Variants in HTR1F observed in about 807,000 individuals in gnomAD.
HTR1F encodes the protein 5-hydroxytryptamine (serotonin) receptor 1F, G protein-coupled.
HTR1F carries 17 observed loss-of-function variants against 24.0 expected under a neutral mutation model. The observed-to-expected ratio is 0.71, with a 90% confidence interval of 0.48 to 1.06. HTR1F has a LOEUF of 1.06. HTR1F is among the 50% of genes least tolerant of loss of function. The pLI is 0.00. For missense variants in HTR1F, 391 were observed against 427.8 expected, an observed-to-expected ratio of 0.91 and a Z score of 0.76; for synonymous variants, 186 against 156.8, an observed-to-expected ratio of 1.19 and a Z score of -1.39.
Position 87,843,939 on chromosome 3 carries a change from T to C in HTR1F, c.-43+21815T>C, listed in dbSNP as rs547985331. On this transcript the variant is annotated intron_variant, in intron 2 of 2. Transcript: ENST00000319595. ...ATCCAGTCTATCATTGTTGGACATT[T>C]GGGTTGGTTCCAAGTCTTTGCTATT... Among the ~76,000 whole-genome samples, 17 of 151,712 alleles carry C rather than the reference T, an allele frequency of 1.1e-4. No homozygotes were observed. The East Asian group carries it at 2.9e-3, about 26-fold the overall frequency.
At chr3:87,817,319 G>A (rs1704267103) in intron 1 of HTR1F, among the ~76,000 whole-genome samples, 1 of 152,098 alleles carries the variant, frequency 6.6e-6, no homozygotes, top group African/African-American at 2.4e-5. Flanking sequence ...ATTCTTGAAA[G>A]ATGATAAGTA....
chr3:87,983,210 C>A (rs1212409258), intron 2 of HTR1F, among the ~76,000 whole-genome samples: 1 of 152,028 alleles, frequency 6.6e-6, no homozygotes, highest in Non-Finnish European at 1.5e-5. Context: ...GTTAAGTGTA[C>A]AAATCTGAGA....
intron 2 of HTR1F, among the ~76,000 whole-genome samples, chr3:87,905,975 G>A (rs2107337437): frequency 6.6e-6 from 1 of 152,154 alleles, no homozygotes; most frequent in East Asian, 1.9e-4. Context: ...GGGGACTTTA[G>A]GATGGCTGGC....
At chr3:87,794,088 T>C (rs1244968109) in intron 1 of HTR1F, among the ~76,000 whole-genome samples, 1 of 152,194 alleles carries the variant, frequency 6.6e-6, no homozygotes, top group Non-Finnish European at 1.5e-5. Context: ...AACAGTCTAA[T>C]GATGCTTAAG....
At chr3:87,946,199 G>C (rs939316791) in intron 2 of HTR1F, among the ~76,000 whole-genome samples, 1 of 152,168 alleles carries the variant, frequency 6.6e-6, no homozygotes, top group Non-Finnish European at 1.5e-5. Context: ...ACACCCTGCC[G>C]GATCCAGAGG....
chr3:87,993,771 C>T lies in HTR1F; in HGVS notation c.*1921C>T, dbSNP rs563040482. On this transcript the variant is annotated 3_prime_UTR_variant, in exon 3 of 3. Transcript: ENST00000319595. ...AGTCTACAGTCAATTTTATTGCTGACGATGGGTAATCACTGATACTTTTAG... is the reference window on the plus strand; with the variant it reads ...AGTCTACAGTCAATTTTATTGCTGATGATGGGTAATCACTGATACTTTTAG... 1.8e-5 allele frequency: 3 copies of T among 166,910 alleles called. No homozygotes were observed. Among genetic ancestry groups the T allele is most frequent in the East Asian group, 3.9e-4 (2 of 5,174 alleles). The allele number at this position is 166,910 out of a possible 1,614,324, so 10.3% of individuals were successfully genotyped here.
chr3:87,908,587 T>G (rs1703713345), intron 2 of HTR1F, among the ~76,000 whole-genome samples: 1 of 152,084 alleles, frequency 6.6e-6, no homozygotes, highest in Non-Finnish European at 1.5e-5. Context: ...AATAAAATTC[T>G]ACTTAGAGAA....
At chr3:87,964,362 A>G (rs1056727094) in intron 2 of HTR1F, among the ~76,000 whole-genome samples, 3 of 152,198 alleles carry the variant, frequency 2.0e-5, no homozygotes, top group African/African-American at 7.2e-5. Flanking sequence ...TGGAGTAATT[A>G]GTAATAAAAT....
chr3:87,865,912 T>C (rs532689464), intron 2 of HTR1F, among the ~76,000 whole-genome samples: 190 of 152,274 alleles, frequency 1.2e-3, no homozygotes, highest in Middle Eastern at 3.4e-3. Flanking sequence ...TCAGATTTAG[T>C]TGATACTGAC....
At chr3:87,865,802 C>T (rs944436350) in intron 2 of HTR1F, among the ~76,000 whole-genome samples, 1 of 152,040 alleles carries the variant, frequency 6.6e-6, no homozygotes, top group African/African-American at 2.4e-5. Context: ...TACAGATAGA[C>T]TACTGTGAAC....
At chr3:87,950,607 A>T (rs1202782903) in intron 2 of HTR1F, among the ~76,000 whole-genome samples, 1 of 152,098 alleles carries the variant, frequency 6.6e-6, no homozygotes, top group Non-Finnish European at 1.5e-5. Flanking sequence ...AAATATATTG[A>T]GTTTACCTGA....
intron 2 of HTR1F, among the ~76,000 whole-genome samples, chr3:87,849,974 A>G (rs1705043719): frequency 6.6e-6 from 1 of 151,938 alleles, no homozygotes; most frequent in Non-Finnish European, 1.5e-5. Flanking sequence ...GCTGGAGAGG[A>G]TGTGGAGAAA....
At chr3:87,835,857 C>T (rs1001180772) in intron 2 of HTR1F, among the ~76,000 whole-genome samples, 6 of 152,014 alleles carry the variant, frequency 3.9e-5, no homozygotes, top group African/African-American at 1.4e-4. Context: ...CTGTCTGTAC[C>T]CTCTGGGTCT....
chr3:87,991,202 T>G lies in HTR1F; in HGVS notation c.453T>G (p.Ser151=), dbSNP rs1424790102. 6.2e-7 allele frequency: 1 copy of G among 1,613,918 alleles called. No homozygotes were observed. Among genetic ancestry groups the G allele is most frequent in the Non-Finnish European group, 8.5e-7 (1 of 1,179,996 alleles). The change falls in exon 3 of 3, where the codon TCT becomes TCG. Residue 151 remains serine, a synonymous_variant. Coordinates refer to ENST00000319595, the MANE Select transcript of HTR1F (RefSeq NM_001322209.2). The part of the protein sequence containing the change: ...GIMITIVWII[S]VFISMPPLFW... ...TGATTACAATAGTTTGGATTATATC[T>G]GTTTTTATCTCTATGCCTCCTCTAT... is the stretch of plus-strand genomic sequence containing the variant.
At chr3:87,937,110 C>T (rs1704442275) in intron 2 of HTR1F, among the ~76,000 whole-genome samples, 1 of 146,332 alleles carries the variant, frequency 6.8e-6, no homozygotes, top group Non-Finnish European at 1.5e-5. Flanking sequence ...AGAGGACGGA[C>T]TCCTCCCCAA....
intron 2 of HTR1F, among the ~76,000 whole-genome samples, chr3:87,939,045 C>A (rs1033041091): frequency 1.3e-5 from 2 of 152,178 alleles, no homozygotes; most frequent in African/African-American, 4.8e-5. Flanking sequence ...GATCTAATAT[C>A]CAGCATCCAT....
chr3:87,932,871 G>C (rs533611937), intron 2 of HTR1F, among the ~76,000 whole-genome samples: 1 of 151,740 alleles, frequency 6.6e-6, no homozygotes, highest in Non-Finnish European at 1.5e-5. Flanking sequence ...GCATCATCCT[G>C]ATACCAAAGC....
At chr3:87,961,754 G>GA (rs1414625531) in intron 2 of HTR1F, among the ~76,000 whole-genome samples, 1 of 149,914 alleles carries the variant, frequency 6.7e-6, no homozygotes, top group African/African-American at 2.5e-5. Flanking sequence ...TTTGTAACCT[G>GA]AAAAATGGAA....
intron 1 of HTR1F, among the ~76,000 whole-genome samples, 160 bp downstream of exon 1, chr3:87,793,002 A>G (rs912207297): frequency 6.6e-6 from 1 of 152,198 alleles, no homozygotes; most frequent in Admixed American, 6.5e-5. Flanking sequence ...TTCCCACACT[A>G]CTTTGATCTA....
Sources: allele counts gnomAD v4.1 joint callset (sites outside exome capture counted in the v4.1 genomes callset), GRCh38; gene constraint gnomAD v4.1.1; transcripts MANE v1.5; gene names NCBI Gene and HGNC (gene_info 2026-07-23, HGNC 2026-07-21).